TNKS2: variants seen among roughly 807,000 people sequenced by gnomAD.
The protein encoded by TNKS2 is tankyrase 2, also known as poly [ADP-ribose] polymerase tankyrase-2.
TNKS2 carries 72 observed loss-of-function variants against 137.6 expected under a neutral mutation model. The ratio of observed to expected loss-of-function variants is 0.52; its 90% CI spans 0.43 to 0.64. The LOEUF is 0.64. Among genes scored for constraint, TNKS2 ranks in the 30% least tolerant of loss-of-function variants. The pLI is 0.00. For synonymous variants in TNKS2, 516 were observed against 512.1 expected, an observed-to-expected ratio of 1.01 and a Z score of -0.10; for missense variants, 1,049 against 1,410.2, an observed-to-expected ratio of 0.74 and a Z score of 4.10.
chr10:91,848,777 T>A, intron 19 of TNKS2, 142 bp downstream of exon 19: 1 of 888,670 alleles, frequency 1.1e-6, no homozygotes, highest in East Asian at 2.6e-5. Context: ...AGGTTTAACC[T>A]TGTATTACTT....
rs574831724 is a variant in TNKS2 at position 91,833,060 on chromosome 10, T to C, written c.1276-793T>C. On this transcript the variant is annotated intron_variant, in intron 11 of 26. Coordinates refer to ENST00000371627, the MANE Select transcript of TNKS2 (RefSeq NM_025235.4). Reference sequence around the variant, plus strand: ...TCTTTGTTTACAGTTTTTCTTTAGATGTAAAATGTGCAGTGAAATGCAGAG... The same window carrying C: ...TCTTTGTTTACAGTTTTTCTTTAGACGTAAAATGTGCAGTGAAATGCAGAG... Among the ~76,000 whole-genome samples, 3 of 152,324 alleles carry C rather than the reference T, an allele frequency of 2.0e-5. No homozygotes were observed. The South Asian group carries it at 6.2e-4, about 32-fold the overall frequency.
In TNKS2 at chr10:91,825,067, C is replaced by CGGTTT. The variant is rs201968875; in HGVS notation, c.796-1929_796-1925dup. ...ACTGGAATCTGTGATTTTAGGCTCT[C>CGGTTT]GGTTTGGTTTGGTTTGGTTTGGTTT... On this transcript the variant is annotated intron_variant, in intron 7 of 26. Transcript: ENST00000371627. 4.0e-3 allele frequency among the ~76,000 whole-genome samples: 615 copies of CGGTTT among 151,988 alleles called. 5 individuals are homozygous for CGGTTT. The highest frequency in any genetic ancestry group is 0.014 in the African/African-American group (566 of 41,458).
Position 91,819,928 on chromosome 10 carries a change from T to G in TNKS2, c.634-11T>G. 6.5e-7 allele frequency: 1 copy of G among 1,527,374 alleles called. No individual in the cohort carries two copies. Among genetic ancestry groups the G allele is most frequent in the Non-Finnish European group, 8.8e-7 (1 of 1,133,510 alleles). 94.6% of individuals were successfully genotyped at this position (1,527,374 alleles called of 1,614,324 possible). A position where few individuals can be genotyped will look rare whatever the true frequency, so the allele number is the denominator to read the frequency against. On this transcript the variant is annotated splice_polypyrimidine_tract_variant and intron_variant, in intron 5 of 26. Coordinates refer to ENST00000371627, the MANE Select transcript of TNKS2 (RefSeq NM_025235.4). ...TTTGAATTTCATTAATATATTTGATTAATATTTCAGTCAACTCCATTACAT... is the reference window on the plus strand; with the variant it reads ...TTTGAATTTCATTAATATATTTGATGAATATTTCAGTCAACTCCATTACAT...
Position 91,851,326 on chromosome 10 carries a change from C to T in TNKS2, c.2805C>T (p.Ser935=), listed in dbSNP as rs762411362. ...TTAAAGGAGTCGAGAGACTTATCTC[C>T]GGACAACAAGGTATTTTATTTTAAT... ...KLIKGVERLI[S]GQQGLNPYLT... Residue 935 remains serine (S), a synonymous_variant, in exon 21 of 27, where the codon TCC becomes TCT. Coordinates refer to ENST00000371627, the MANE Select transcript of TNKS2 (RefSeq NM_025235.4). The T allele has an allele frequency of 4.4e-5, 70 of 1,608,722 alleles. 1 individual carries two copies. The highest frequency in any genetic ancestry group is 2.7e-4 in the East Asian group (12 of 44,738).
At chr10:91,846,971 A>G (rs1044435701) in intron 18 of TNKS2, among the ~76,000 whole-genome samples, 8 of 152,216 alleles carry the variant, frequency 5.3e-5, no homozygotes, top group African/African-American at 1.7e-4. Flanking sequence ...AAGTTGTACA[A>G]TCTTATGAAC....
chr10:91,851,482 C>T (rs899579417), intron 21 of TNKS2, 146 bp downstream of exon 21: 1 of 958,378 alleles, frequency 1.0e-6, no homozygotes, highest in Non-Finnish European at 1.5e-6. Flanking sequence ...GGGATTAAGT[C>T]TTAGCTGTGC....
intron 1 of TNKS2, among the ~76,000 whole-genome samples, chr10:91,808,130 A>G (rs1844389521): frequency 6.6e-6 from 1 of 151,972 alleles, no homozygotes; most frequent in Non-Finnish European, 1.5e-5. Flanking sequence ...GAGGTGGGAG[A>G]TAGACCAACT....
chr10:91,819,496 A>T lies in TNKS2; in HGVS notation c.572A>T (p.Glu191Val), dbSNP rs776280960. Residue 191 changes from glutamate to valine, a missense_variant, in exon 5 of 27, where the codon GAA becomes GTA. By Grantham distance (121) the Glu-to-Val change is moderately radical. Transcript: ENST00000371627. ...TTGTATTCTAGGAGTGGCAATGAAG[A>T]AAAAATGATGGCTCTACTCACACCA... is the stretch of plus-strand genomic sequence containing the variant. ...LLESARSGNE[E>V]KMMALLTPLN... 2 of 1,585,960 alleles carry T rather than the reference A, an allele frequency of 1.3e-6. No individual in the cohort carries two copies. Among genetic ancestry groups the T allele is most frequent in the Non-Finnish European group, 1.7e-6 (2 of 1,171,248 alleles).
chr10:91,803,365 A>T (rs1404481171), intron 1 of TNKS2, among the ~76,000 whole-genome samples: 2 of 152,042 alleles, frequency 1.3e-5, no homozygotes, highest in East Asian at 3.9e-4. Flanking sequence ...AAATAGAAAA[A>T]TGAGCCGGGC....
rs201015037 is a variant in TNKS2, at chr10:91,833,925, C to T, written c.1348C>T (p.Arg450Cys). ...ATATTGTGGTCATCTACAAACCTGCCGCCTACTCCTGAGCTATGGGTGTGA... is the reference window on the plus strand; with the variant it reads ...ATATTGTGGTCATCTACAAACCTGCTGCCTACTCCTGAGCTATGGGTGTGA... Reference protein sequence around the residue: ...AAYCGHLQTCRLLLSYGCDPN... With the variant: ...AAYCGHLQTCCLLLSYGCDPN... The change falls in exon 12 of 27, where the codon CGC becomes TGC. Residue 450 changes from arginine to cysteine, a missense_variant. Arg to Cys is a radical substitution (Grantham distance 180, BLOSUM62 -3). Transcript: ENST00000371627. 1.5e-5 allele frequency: 24 copies of T among 1,613,866 alleles called. No individual in the cohort carries two copies. Among genetic ancestry groups the T allele is most frequent in the East Asian group, 1.3e-4 (6 of 44,856 alleles).
chr10:91,827,233 G>A (rs756372263), intron 8 of TNKS2, 30 bp downstream of exon 8: 39 of 1,430,752 alleles, frequency 2.7e-5, no homozygotes, highest in Non-Finnish European at 3.4e-5. Flanking sequence ...TGTTCAGGTA[G>A]GATATTATAT....
At chr10:91,812,856 A>G (rs942307555) in intron 1 of TNKS2, 127 bp from the exon 2 acceptor site, 2 of 1,455,084 alleles carry the variant, frequency 1.4e-6, no homozygotes, top group Non-Finnish European at 1.8e-6. Context: ...CTTTCCATTA[A>G]TTAGTTCTTG....
chr10:91,812,071 AAAAAG>A (rs1589648658), intron 1 of TNKS2, among the ~76,000 whole-genome samples: 1 of 152,122 alleles, frequency 6.6e-6, no homozygotes, highest in Non-Finnish European at 1.5e-5. Flanking sequence ...AAAAAAAAAA[AAAAAG>A]AATAGAACGG....
Position 91,842,370 on chromosome 10 carries a change from T to C in TNKS2, c.2038T>C (p.Ser680Pro). ...VNCRDTQGRH[S>P]TPLHLAAGYN... ...TTGCCGCGATACCCAAGGCAGACATTCAACACCTTTACATTTAGCAGGTAA... is the reference window on the plus strand; with the variant it reads ...TTGCCGCGATACCCAAGGCAGACATCCAACACCTTTACATTTAGCAGGTAA... The change falls in exon 16 of 27, where the codon TCA becomes CCA. Residue 680 changes from serine to proline, a missense_variant. Ser to Pro is a moderately conservative substitution (Grantham distance 74). Coordinates refer to ENST00000371627, the MANE Select transcript of TNKS2 (RefSeq NM_025235.4). 6.2e-7 allele frequency: 1 copy of C among 1,614,112 alleles called. No homozygotes were observed. Among genetic ancestry groups the C allele is most frequent in the Non-Finnish European group, 8.5e-7 (1 of 1,179,964 alleles).
chr10:91,845,916 A>T lies in TNKS2; in HGVS notation c.2334A>T (p.Gly778=). 1 of 1,575,262 alleles carries T rather than the reference A, an allele frequency of 6.3e-7. No homozygotes were observed. The highest frequency in any genetic ancestry group is 1.7e-4 in the Middle Eastern group (1 of 5,902). Residue 778 remains glycine, a synonymous_variant, in exon 18 of 27, where the codon GGA becomes GGT. Coordinates refer to ENST00000371627, the MANE Select transcript of TNKS2 (RefSeq NM_025235.4). Reference sequence around the variant, plus strand: ...ACCCGACTCTTAAAAATCAGGAAGGACAAACACCTTTAGATTTAGTTTCAG... The same window carrying T: ...ACCCGACTCTTAAAAATCAGGAAGGTCAAACACCTTTAGATTTAGTTTCAG... ...GADPTLKNQE[G]QTPLDLVSAD...
chr10:91,846,008 A>G, intron 18 of TNKS2, 68 bp downstream of exon 18: 4 of 1,373,644 alleles, frequency 2.9e-6, no homozygotes, highest in African/African-American at 1.4e-5. Context: ...TGATGTTATT[A>G]TAAAATGTCT....
At chr10:91,848,331 T>C (rs199637575) in intron 18 of TNKS2, 52 bp from the exon 19 acceptor site, 17 of 1,570,956 alleles carry the variant, frequency 1.1e-5, no homozygotes, top group Non-Finnish European at 3.4e-6. Context: ...TTAGGTATAA[T>C]AGCATTTTAA....
chr10:91,842,138 T>C, intron 15 of TNKS2, 34 bp from the exon 16 acceptor site: 1 of 1,511,724 alleles, frequency 6.6e-7, no homozygotes, highest in South Asian at 1.2e-5. Flanking sequence ...ATTTAAGCCA[T>C]TTCCCCCTTT....
chr10:91,799,737 A>G (rs1016051290), intron 1 of TNKS2, among the ~76,000 whole-genome samples: 3 of 152,260 alleles, frequency 2.0e-5, no homozygotes, highest in Admixed American at 6.5e-5. Flanking sequence ...CCCATAAAGC[A>G]TGCATGCTGT....
Sources: gnomAD v4.1 joint callset for allele counts (sites outside exome capture counted in the v4.1 genomes callset) on GRCh38, gnomAD v4.1.1 for gene constraint, MANE v1.5 for transcripts, NCBI Gene and HGNC (gene_info 2026-07-23, HGNC 2026-07-21) for gene names.